Variants in CLASP1 observed in about 807,000 individuals in gnomAD.
The protein encoded by CLASP1 is cytoplasmic linker associated protein 1, also known as CLIP-associating protein 1.
In CLASP1, 38 loss-of-function variants were observed where a neutral mutation model predicts 192.3. The ratio of observed to expected loss-of-function variants is 0.20; its 90% CI spans 0.15 to 0.26. The LOEUF (loss-of-function observed/expected upper bound fraction) is 0.26, where lower values mean the gene tolerates loss of function less well. CLASP1 is among the 10% of genes least tolerant of loss of function. The pLI, the probability that CLASP1 is intolerant of heterozygous loss-of-function variation, is 1.00. For synonymous variants in CLASP1, 691 were observed against 712.8 expected (o/e 0.97, Z 0.49); for missense variants, 1,433 against 1,932.5 (o/e 0.74, Z 4.85).
chr2:121,420,289 C>T (rs183126881), intron 22 of CLASP1, among the ~76,000 whole-genome samples: 51 of 152,320 alleles, frequency 3.3e-4, no homozygotes, highest in Non-Finnish European at 5.3e-4. Context: ...ACTATTTAGT[C>T]AGCAATTCTT....
At position 121,459,051 on chromosome 2, in the gene CLASP1, A is replaced by G. The variant is rs2087290298; in HGVS notation, c.1179-76T>C. 4 of 1,089,040 alleles carry G rather than the reference A, an allele frequency of 3.7e-6. No individual in the cohort carries two copies. The Admixed American group carries it at 1.1e-4, about 31-fold the overall frequency. 67.5% of individuals were successfully genotyped at this position (1,089,040 alleles called of 1,614,324 possible). A position where few individuals can be genotyped will look rare whatever the true frequency, so the allele number is the denominator to read the frequency against. On this transcript the variant is annotated intron_variant, in intron 12 of 39. Coordinates refer to ENST00000263710, the Ensembl canonical transcript of CLASP1. The stretch of plus-strand genomic sequence containing the variant: ...GAAGCATATAAACCACTTAACATCT[A>G]GAGCCTTCATTTAAAGTTATCTAGA...
At chr2:121,430,400 G>A (rs2081188534) in intron 19 of CLASP1, among the ~76,000 whole-genome samples, 1 of 152,286 alleles carries the variant, frequency 6.6e-6, no homozygotes, top group Non-Finnish European at 1.5e-5. Flanking sequence ...AACACAGGAT[G>A]AACTCCTGAG....
intron 1 of CLASP1, among the ~76,000 whole-genome samples, chr2:121,639,802 G>A (rs968166790): frequency 1.3e-5 from 2 of 148,732 alleles, no homozygotes; most frequent in African/African-American, 2.5e-5. Flanking sequence ...GGCAGAGGTT[G>A]CAGTAAGCCA....
At chr2:121,478,153 T>C (rs2091866763) in intron 8 of CLASP1, among the ~76,000 whole-genome samples, 1 of 152,172 alleles carries the variant, frequency 6.6e-6, no homozygotes, top group Non-Finnish European at 1.5e-5. Flanking sequence ...GTGCGACTTA[T>C]CCCAGGAATG....
At chr2:121,481,211 C>T (rs1575320184) in intron 8 of CLASP1, among the ~76,000 whole-genome samples, 1 of 152,070 alleles carries the variant, frequency 6.6e-6, no homozygotes, top group Admixed American at 6.6e-5. Context: ...CTATGCTTTG[C>T]GTGCAAAAAA....
chr2:121,368,981 C>A (rs1055088095), intron 34 of CLASP1, among the ~76,000 whole-genome samples: 3 of 152,212 alleles, frequency 2.0e-5, no homozygotes, highest in Non-Finnish European at 4.4e-5. Flanking sequence ...CATCCCTCTC[C>A]CTTCCCCACA....
intron 39 of CLASP1, among the ~76,000 whole-genome samples, chr2:121,345,668 T>G (rs2063357270): frequency 6.6e-6 from 1 of 152,090 alleles, no homozygotes; most frequent in Non-Finnish European, 1.5e-5. Flanking sequence ...GAGAAGGAAC[T>G]GGAGAACAGA....
rs555224864 is a variant in CLASP1, at chr2:121,631,541, C to T, written c.-286+17831G>A. Among the ~76,000 whole-genome samples the T allele has an allele frequency of 1.5e-3, 231 of 152,148 alleles. 2 individuals carry two copies. Among genetic ancestry groups the T allele is most frequent in the Middle Eastern group, 6.8e-3 (2 of 294 alleles). ...GACCTCGTGATCTGCCCACCTCGAC[C>T]TCCCAAAGTGCTGGGATTACAGGCG... On this transcript the variant is annotated intron_variant, in intron 1 of 39. Transcript: ENST00000263710.
intron 1 of CLASP1, among the ~76,000 whole-genome samples, chr2:121,626,143 A>G (rs1460449591): frequency 6.6e-6 from 1 of 151,984 alleles, no homozygotes; most frequent in East Asian, 1.9e-4. Flanking sequence ...ATGTCATTTG[A>G]TACAGTATGA....
intron 13 of CLASP1, 109 bp from the exon 14 acceptor site, chr2:121,457,866 A>G: frequency 1.5e-6 from 1 of 683,140 alleles, no homozygotes; most frequent in Non-Finnish European, 2.5e-6. Context: ...ATATATTCAG[A>G]TTAGAATGTC....
chr2:121,364,831 C>G (rs1295167333), intron 36 of CLASP1: 1 of 484,850 alleles, frequency 2.1e-6, no homozygotes, highest in Non-Finnish European at 3.8e-6. Flanking sequence ...GTTAAAGCAA[C>G]TAGATGCAGG....
chr2:121,544,567 G>A (rs1307453596), intron 2 of CLASP1, among the ~76,000 whole-genome samples: 1 of 151,854 alleles, frequency 6.6e-6, no homozygotes, highest in Non-Finnish European at 1.5e-5. Flanking sequence ...GGGGAAAGGT[G>A]CATTCATTTA....
chr2:121,555,320 C>G (rs187986404), intron 2 of CLASP1, among the ~76,000 whole-genome samples: 2 of 152,300 alleles, frequency 1.3e-5, no homozygotes, highest in African/African-American at 4.8e-5. Context: ...CAATATCCAC[C>G]AGCCTGAGAC....
At chr2:121,429,429 G>T (rs980924689) in intron 20 of CLASP1, among the ~76,000 whole-genome samples, 7 of 152,200 alleles carry the variant, frequency 4.6e-5, no homozygotes, top group Non-Finnish European at 8.8e-5. Context: ...GAGGAGGTGG[G>T]CCCCTTAAAG....
intron 2 of CLASP1, chr2:121,603,300 A>G (rs2064014742): frequency 6.6e-6 from 1 of 152,144 alleles, no homozygotes; most frequent in African/African-American, 2.4e-5. Context: ...AGACATACCA[A>G]TGGCCAACAA....
At chr2:121,353,454 T>C (rs2064865189) in intron 37 of CLASP1, among the ~76,000 whole-genome samples, 1 of 152,052 alleles carries the variant, frequency 6.6e-6, no homozygotes, top group South Asian at 2.1e-4. Context: ...ATGCCTGAGG[T>C]TCCTCAGCAA....
intron 2 of CLASP1, among the ~76,000 whole-genome samples, chr2:121,590,654 A>C (rs1559702190): frequency 6.6e-6 from 1 of 152,204 alleles, no homozygotes; most frequent in Non-Finnish European, 1.5e-5. Flanking sequence ...TTATACAATA[A>C]GTACATATTG....
intron 21 of CLASP1, among the ~76,000 whole-genome samples, chr2:121,426,344 C>T (rs934031245): frequency 2.0e-5 from 3 of 152,046 alleles, no homozygotes; most frequent in Non-Finnish European, 4.4e-5. Flanking sequence ...TAATCACAAA[C>T]CTTTATGCTC....
chr2:121,611,442 T>A (rs1429470082), intron 1 of CLASP1, among the ~76,000 whole-genome samples: 3 of 50,076 alleles, frequency 6.0e-5, no homozygotes, highest in Admixed American at 2.5e-4. Flanking sequence ...TGGAGGATGA[T>A]GAGGAGTTAC....
Sources: gnomAD v4.1 joint callset for allele counts (sites outside exome capture counted in the v4.1 genomes callset) on GRCh38, gnomAD v4.1.1 for gene constraint, MANE v1.5 for transcripts, NCBI Gene and HGNC (gene_info 2026-07-23, HGNC 2026-07-21) for gene names.